The following PTPRN2 variants were observed in gnomAD, a reference collection of about 807,000 sequenced individuals.
PTPRN2 encodes receptor-type tyrosine-protein phosphatase N2.
A neutral mutation model predicts 118.8 loss-of-function variants in PTPRN2; 74 were observed. The observed-to-expected ratio is 0.62, with a 90% CI of 0.52 to 0.76. The LOEUF is 0.76. PTPRN2 is among the 30% of genes least tolerant of loss of function. The pLI is 0.00. For synonymous variants in PTPRN2, 641 were observed against 608.0 expected (o/e 1.05, Z -0.80); for missense variants, 1,481 against 1,394.4 (o/e 1.06, Z -0.99).
At chr7:158,167,817 T>C (rs1823169140) in intron 5 of PTPRN2, among the ~76,000 whole-genome samples, 2 of 152,258 alleles carry the variant, frequency 1.3e-5, no homozygotes, top group Admixed American at 6.5e-5. Flanking sequence ...CCCATGCTGA[T>C]GCTGGGGCAT....
At chr7:157,910,558 T>G (rs1330431126) in intron 11 of PTPRN2, among the ~76,000 whole-genome samples, 1 of 152,204 alleles carries the variant, frequency 6.6e-6, no homozygotes, top group Non-Finnish European at 1.5e-5. Context: ...GGGCGCAGAA[T>G]CACACACGTA....
chr7:157,938,921 G>A (rs12670900), intron 11 of PTPRN2, among the ~76,000 whole-genome samples: 37,971 of 152,120 alleles, frequency 0.25, 7,114 homozygotes, highest in African/African-American at 0.49. Context: ...AAGGAGTGGG[G>A]CTCTTTGGGA....
chr7:157,574,109 T>A (rs771703615), intron 19 of PTPRN2, among the ~76,000 whole-genome samples: 1 of 152,210 alleles, frequency 6.6e-6, no homozygotes, highest in Non-Finnish European at 1.5e-5. Context: ...CTCATTTGAC[T>A]CCATCAGAAC....
At chr7:158,144,843 G>A (rs139728816) in intron 6 of PTPRN2, among the ~76,000 whole-genome samples, 1 of 152,190 alleles carries the variant, frequency 6.6e-6, no homozygotes, top group Non-Finnish European at 1.5e-5. Context: ...CCTGAACTTT[G>A]CAAAATGATG....
chr7:157,691,008 C>T (rs1797458782), intron 12 of PTPRN2, among the ~76,000 whole-genome samples: 1 of 145,166 alleles, frequency 6.9e-6, no homozygotes, highest in Non-Finnish European at 1.5e-5. Context: ...TCCGGCCCGG[C>T]GCGCACCCGG....
rs796552384 is a variant in PTPRN2 at position 158,395,766 on chromosome 7, C to A, written c.164-78834G>T. On this transcript the variant is annotated intron_variant, in intron 2 of 22. Transcript: ENST00000389418. Reference sequence around the variant, plus strand: ...GGGGCGAGGGGTGAGGCGCGAGGGGCGAGGGGTGAGGCGCGAGGGGCGAGG... The same window carrying A: ...GGGGCGAGGGGTGAGGCGCGAGGGGAGAGGGGTGAGGCGCGAGGGGCGAGG... Among the ~76,000 whole-genome samples, 20 of 64,956 alleles carry A rather than the reference C, an allele frequency of 3.1e-4. 1 individual carries two copies. Among genetic ancestry groups the A allele is most frequent in the African/African-American group, 1.2e-3 (18 of 15,284 alleles). The allele number at this position is 64,956 out of a possible 152,430, so 42.6% of individuals were successfully genotyped here.
intron 12 of PTPRN2, among the ~76,000 whole-genome samples, chr7:157,800,980 T>C (rs1805246619): frequency 6.6e-6 from 1 of 150,912 alleles, no homozygotes; most frequent in Non-Finnish European, 1.5e-5. Context: ...CATATATATA[T>C]ATACACACAC....
At chr7:158,073,470 C>T (rs1812097315) in intron 11 of PTPRN2, among the ~76,000 whole-genome samples, 1 of 152,184 alleles carries the variant, frequency 6.6e-6, no homozygotes, top group Non-Finnish European at 1.5e-5. Flanking sequence ...TGCTTTCCTC[C>T]TTCAGGTCTC....
At chr7:157,546,453 A>AGT (rs1798326005) in intron 22 of PTPRN2, among the ~76,000 whole-genome samples, 1 of 151,970 alleles carries the variant, frequency 6.6e-6, no homozygotes, top group Non-Finnish European at 1.5e-5. Context: ...GACAGGCCCC[A>AGT]GTGTGTGCTA....
In PTPRN2 at chr7:157,578,058, C is replaced by T. The variant is rs1800151116; in HGVS notation, c.2579G>A (p.Trp860Ter). ...GTAGAGATTGGAGCCTTCATCCGGCCAGTAGTGGTAGCACTGCCGGACGCC... is the reference window on the plus strand; with the variant it reads ...GTAGAGATTGGAGCCTTCATCCGGCTAGTAGTGGTAGCACTGCCGGACGCC... Reference protein sequence around the residue: ...ENGVRQCYHYWPDEGSNLYHI... With the variant: ...ENGVRQCYHY Residue 860 changes from tryptophan to a stop codon, truncating the protein, a stop_gained, in exon 18 of 23, where the codon TGG becomes TAG. Transcript: ENST00000389418. LOFTEE classifies it high-confidence loss of function. The T allele has an allele frequency of 6.2e-7, 1 of 1,613,508 alleles. No individual in the cohort carries two copies. Among genetic ancestry groups the T allele is most frequent in the South Asian group, 1.1e-5 (1 of 91,044 alleles).
intron 7 of PTPRN2, among the ~76,000 whole-genome samples, chr7:158,136,954 G>A (rs924419819): frequency 1.3e-5 from 2 of 151,972 alleles, no homozygotes; most frequent in African/African-American, 4.8e-5. Flanking sequence ...CAGCTCTGGG[G>A]GTCTCACGTG....
chr7:158,490,204 G>T (rs1302013897), intron 1 of PTPRN2, among the ~76,000 whole-genome samples: 4 of 152,248 alleles, frequency 2.6e-5, no homozygotes, highest in African/African-American at 9.6e-5. Context: ...CCGGGGAGCG[G>T]AGGCTTCCAG....
intron 4 of PTPRN2, among the ~76,000 whole-genome samples, chr7:158,201,709 A>G (rs923610350): frequency 3.3e-5 from 5 of 152,200 alleles, no homozygotes; most frequent in African/African-American, 1.2e-4. Context: ...ACAATCCTTT[A>G]TCTTAACTGG....
intron 12 of PTPRN2, among the ~76,000 whole-genome samples, chr7:157,748,721 C>G (rs1801220534): frequency 7.2e-6 from 1 of 139,554 alleles, no homozygotes; most frequent in African/African-American, 2.8e-5. Context: ...ATTCTGAGGC[C>G]TGCGTCCCTG....
chr7:158,018,978 A>AC lies in PTPRN2; in HGVS notation c.1723+62319_1723+62320insG, dbSNP rs1295351562. On this transcript the variant is annotated intron_variant, in intron 11 of 22. Coordinates refer to ENST00000389418, the MANE Select transcript of PTPRN2 (RefSeq NM_002847.5). ...TTTGTTTCAAAAACAAAAAAAAAAA[A>AC]AAAAAAAAAAAAAGAGAATATAAGA... is the stretch of plus-strand genomic sequence containing the variant. 2.0e-5 allele frequency among the ~76,000 whole-genome samples: 3 copies of AC among 150,246 alleles called. No individual in the cohort carries two copies. The East Asian group carries it at 5.8e-4, about 29-fold the overall frequency.
intron 11 of PTPRN2, among the ~76,000 whole-genome samples, chr7:158,053,492 T>G (rs534449227): frequency 1.3e-5 from 2 of 152,254 alleles, no homozygotes; most frequent in Admixed American, 1.3e-4. Flanking sequence ...AGAACCAGCT[T>G]TAGCTTCTGA....
chr7:157,612,096 C>T (rs1056334819), intron 15 of PTPRN2, among the ~76,000 whole-genome samples: 1 of 152,210 alleles, frequency 6.6e-6, no homozygotes, highest in Non-Finnish European at 1.5e-5. Flanking sequence ...CCCAGAGCAC[C>T]TGGAGCGACC....
Position 157,893,226 on chromosome 7 carries a change from C to T in PTPRN2, c.1788+5447G>A, listed in dbSNP as rs1796906870. On this transcript the variant is annotated intron_variant, in intron 12 of 22. Transcript: ENST00000389418. The surrounding 1 kb of genome is among the most constrained non-coding windows in gnomAD (Gnocchi z 4.0). Reference sequence around the variant, plus strand: ...ACTCTAGCGTTTGGTAATTTTCTGTCCCAGGGATGACGGAGCCTCTGCCCC... The same window carrying T: ...ACTCTAGCGTTTGGTAATTTTCTGTTCCAGGGATGACGGAGCCTCTGCCCC... Among the ~76,000 whole-genome samples, 1 of 152,182 alleles carries T rather than the reference C, an allele frequency of 6.6e-6. No individual in the cohort carries two copies. Among genetic ancestry groups the T allele is most frequent in the South Asian group, 2.1e-4 (1 of 4,824 alleles).
At chr7:157,686,959 G>T (rs1313638418) in intron 12 of PTPRN2, among the ~76,000 whole-genome samples, 4 of 152,130 alleles carry the variant, frequency 2.6e-5, no homozygotes, top group Admixed American at 6.5e-5. Flanking sequence ...ATAAGATGAA[G>T]TACAATATCG....
Sources: allele counts gnomAD v4.1 joint callset (sites outside exome capture counted in the v4.1 genomes callset), GRCh38; gene constraint gnomAD v4.1.1; non-coding constraint Gnocchi (gnomAD v3.1); transcripts MANE v1.5; gene names NCBI Gene and HGNC (gene_info 2026-07-23, HGNC 2026-07-21).